Variants in DCAF6 observed in about 807,000 individuals in gnomAD.
The protein encoded by DCAF6 is DDB1- and CUL4-associated factor 6.
DCAF6 carries 54 observed loss-of-function variants against 125.1 expected under a neutral mutation model. The ratio of observed to expected loss-of-function variants is 0.43; its 90% confidence interval spans 0.35 to 0.54. The LOEUF is 0.54. DCAF6 is among the 20% of genes least tolerant of loss of function. DCAF6 has a pLI of 0.01. For missense variants in DCAF6, 934 were observed against 1,161.7 expected (o/e 0.80, Z 2.85); for synonymous variants, 371 against 390.4 (o/e 0.95, Z 0.58).
At chr1:168,048,369 A>G (rs1689401128) in intron 16 of DCAF6, among the ~76,000 whole-genome samples, 1 of 152,238 alleles carries the variant, frequency 6.6e-6, no homozygotes, top group African/African-American at 2.4e-5. Context: ...ATGAAGAACT[A>G]TATAGTGGAC....
chr1:168,009,424 T>TTCTG (rs1466623482), intron 10 of DCAF6, among the ~76,000 whole-genome samples: 2 of 140,398 alleles, frequency 1.4e-5, no homozygotes, highest in Non-Finnish European at 3.1e-5. Context: ...TTTTGTTTCT[T>TTCTG]TCTGTCTCTC....
chr1:167,936,920 G>C lies in DCAF6; in HGVS notation c.9G>C (p.Arg3=). Residue 3 remains arginine, a synonymous_variant, in exon 1 of 22, where the codon CGG becomes CGC. Transcript: ENST00000367840. MS[R]GGSYPHLLWD... is the part of the protein sequence containing the mutation. ...CCGGCTCAGGCAGAGCCATGTCTCG[G>C]GGTGGCTCCTACCCACACCTGTTGT... 6.2e-7 allele frequency: 1 copy of C among 1,604,966 alleles called. No individual in the cohort carries two copies. The highest frequency in any genetic ancestry group is 8.5e-7 in the Non-Finnish European group (1 of 1,176,956).
At chr1:168,023,115 C>G (rs1557991302) in intron 12 of DCAF6, 68 bp downstream of exon 12, 21 of 1,438,600 alleles carry the variant, frequency 1.5e-5, no homozygotes, top group Non-Finnish European at 2.0e-5. Context: ...ATACTAAGCT[C>G]TCTCACACCT....
At chr1:167,989,416 T>A (rs1451243196) in intron 5 of DCAF6, among the ~76,000 whole-genome samples, 1 of 152,200 alleles carries the variant, frequency 6.6e-6, no homozygotes, top group East Asian at 1.9e-4. Flanking sequence ...TTTTCCTTTA[T>A]GTATAAAAGT....
intron 15 of DCAF6, 91 bp downstream of exon 15, chr1:168,044,762 A>G (rs1309566466): frequency 7.1e-7 from 1 of 1,408,408 alleles, no homozygotes; most frequent in African/African-American, 1.4e-5. Context: ...GCCATGTTCA[A>G]GTGTATTGTG....
chr1:168,067,108 G>T (rs1056741057), intron 20 of DCAF6, among the ~76,000 whole-genome samples: 2 of 152,094 alleles, frequency 1.3e-5, no homozygotes, highest in African/African-American at 2.4e-5. Flanking sequence ...TTATTTGTGG[G>T]TTCTCATATA....
chr1:167,865,432 T>TA, the DCAF6 span, among the ~76,000 whole-genome samples: 1 of 152,148 alleles, frequency 6.6e-6, no homozygotes, highest in African/African-American at 2.4e-5. Context: ...TATAAAAGGT[T>TA]AAAAAGAGTC....
upstream of DCAF6, chr1:167,935,702 T>G: frequency 6.6e-7 from 1 of 1,524,508 alleles, no homozygotes; most frequent in Non-Finnish European, 8.9e-7. Context: ...AGAAGGAAGG[T>G]CTCGATAAGG....
At chr1:167,986,497 G>A (rs1487466291) in intron 4 of DCAF6, among the ~76,000 whole-genome samples, 1 of 152,168 alleles carries the variant, frequency 6.6e-6, no homozygotes, top group Non-Finnish European at 1.5e-5. Context: ...ATTGTATACA[G>A]AAAACCATGT....
chr1:167,955,220 T>C (rs556973557), intron 2 of DCAF6, among the ~76,000 whole-genome samples: 47 of 152,352 alleles, frequency 3.1e-4, no homozygotes, highest in African/African-American at 1.1e-3. Flanking sequence ...CTATTACAAA[T>C]AAAGTTGCCA....
At chr1:168,066,563 C>A in intron 20 of DCAF6, 98 bp downstream of exon 20, 1 of 780,064 alleles carries the variant, frequency 1.3e-6, no homozygotes, top group Non-Finnish European at 2.1e-6. Flanking sequence ...TAACATGAAA[C>A]AAGTTAATGC....
chr1:168,001,693 A>G (rs1471805312), intron 7 of DCAF6, among the ~76,000 whole-genome samples: 2 of 152,146 alleles, frequency 1.3e-5, no homozygotes, highest in African/African-American at 4.8e-5. Context: ...GCAAAGAGCC[A>G]AGAGAGAGAA....
the DCAF6 span, chr1:167,883,385 G>A: frequency 1.3e-6 from 2 of 1,590,542 alleles, no homozygotes; most frequent in Non-Finnish European, 1.7e-6. Flanking sequence ...GCTTGTCCAT[G>A]AATGCTAACC....
At chr1:168,059,516 T>C (rs1171473019) in intron 17 of DCAF6, among the ~76,000 whole-genome samples, 1 of 152,250 alleles carries the variant, frequency 6.6e-6, no homozygotes, top group African/African-American at 2.4e-5. Context: ...GTTGATTTTA[T>C]AATCAACTTT....
the DCAF6 span, among the ~76,000 whole-genome samples, chr1:167,912,179 T>C: frequency 1.3e-5 from 2 of 152,200 alleles, no homozygotes; most frequent in African/African-American, 4.8e-5. Context: ...AGCATTCTAT[T>C]GTAGGAGTTA....
intron 11 of DCAF6, among the ~76,000 whole-genome samples, chr1:168,021,249 G>C (rs1026189235): frequency 2.6e-5 from 4 of 152,060 alleles, no homozygotes; most frequent in Non-Finnish European, 5.9e-5. Flanking sequence ...ATTTCTTGGA[G>C]AGTTTATAGT....
At chr1:167,944,938 T>G (rs1172664469) in intron 1 of DCAF6, among the ~76,000 whole-genome samples, 3 of 152,228 alleles carry the variant, frequency 2.0e-5, no homozygotes, top group African/African-American at 7.2e-5. Context: ...CTTCTGCATA[T>G]GGATATCTAA....
At chr1:167,937,029 G>T (rs1671354385) in intron 1 of DCAF6, 21 bp downstream of exon 1, 1 of 1,594,494 alleles carries the variant, frequency 6.3e-7, no homozygotes, top group African/African-American at 1.3e-5. Flanking sequence ...GCCCCGGGGC[G>T]GAGGCGCTGA....
At chr1:167,897,029 C>G in the DCAF6 span, among the ~76,000 whole-genome samples, 1 of 151,910 alleles carries the variant, frequency 6.6e-6, no homozygotes. Flanking sequence ...AACTGCACAC[C>G]ATTTCTTCCT....
Sources: gnomAD v4.1 joint callset for allele counts (sites outside exome capture counted in the v4.1 genomes callset) on GRCh38, gnomAD v4.1.1 for gene constraint, MANE v1.5 for transcripts, NCBI Gene and HGNC (gene_info 2026-07-23, HGNC 2026-07-21) for gene names.